The following TNKS variants were observed in gnomAD, a reference collection of about 807,000 sequenced individuals.
TNKS encodes tankyrase.
In TNKS, 72 loss-of-function variants were observed where a neutral mutation model predicts 135.8. The ratio of observed to expected loss-of-function variants is 0.53; its 90% CI spans 0.44 to 0.64. TNKS has a LOEUF of 0.64. Among genes scored for constraint, TNKS ranks in the 30% least tolerant of loss-of-function variants. The pLI is 0.00. For synonymous variants in TNKS, 849 were observed against 649.3 expected, an observed-to-expected ratio of 1.31 and a Z score of -4.68; for missense variants, 1,769 against 1,674.0, an observed-to-expected ratio of 1.06 and a Z score of -0.99.
In TNKS at chr8:9,603,092, G is replaced by T. The variant is rs190632803; in HGVS notation, c.899-12490G>T. Among the ~76,000 whole-genome samples, 19 of 150,482 alleles carry T rather than the reference G, an allele frequency of 1.3e-4. No homozygotes were observed. The East Asian group carries it at 1.6e-3, about 12-fold the overall frequency. On this transcript the variant is annotated intron_variant, in intron 2 of 26. Coordinates refer to ENST00000310430, the MANE Select transcript of TNKS (RefSeq NM_003747.3). ...TTTTGAGATGGAGTCTCGCTTTATCGCCCAGGCTGGAGTACAGTGGCGCGA... is the reference window on the plus strand; with the variant it reads ...TTTTGAGATGGAGTCTCGCTTTATCTCCCAGGCTGGAGTACAGTGGCGCGA...
chr8:9,567,455 G>T (rs34393110), intron 1 of TNKS, among the ~76,000 whole-genome samples: 2 of 151,896 alleles, frequency 1.3e-5, no homozygotes, highest in Non-Finnish European at 2.9e-5. Context: ...TCGCTCTGTC[G>T]CCCAGGCTGG....
Position 9,765,772 on chromosome 8 carries a change from T to A in TNKS, c.3528T>A (p.His1176Gln), listed in dbSNP as rs773145822. 1 of 1,613,886 alleles carries A rather than the reference T, an allele frequency of 6.2e-7. No homozygotes were observed. Among genetic ancestry groups the A allele is most frequent in the Non-Finnish European group, 8.5e-7 (1 of 1,179,860 alleles). Residue 1176 changes from histidine to glutamine, a missense_variant, in exon 24 of 27, where the codon CAT (histidine) becomes CAA (glutamine). This residue lies in a region of TNKS where 722 missense variants were observed against 688.9 expected (regional missense o/e 1.05). Coordinates refer to ENST00000310430, the MANE Select transcript of TNKS (RefSeq NM_003747.3). Reference sequence around the variant, plus strand: ...AAGTGTCTGAGGAGAATCACAACCATCACAATGAGCGCATGTTGTTTCATG... The same window carrying A: ...AAGTGTCTGAGGAGAATCACAACCAACACAATGAGCGCATGTTGTTTCATG... ...QKEVSEENHNHHNERMLFHGS... is the reference protein window; with the variant it reads ...QKEVSEENHNQHNERMLFHGS...
intron 25 of TNKS, among the ~76,000 whole-genome samples, chr8:9,767,718 G>C (rs1335267708): frequency 1.3e-5 from 2 of 152,110 alleles, no homozygotes; most frequent in South Asian, 4.1e-4. Flanking sequence ...CCAGCACTTT[G>C]GGAGGCCGAG....
At chr8:9,613,891 C>G (rs1038067031) in intron 2 of TNKS, among the ~76,000 whole-genome samples, 3 of 152,182 alleles carry the variant, frequency 2.0e-5, no homozygotes, top group Non-Finnish European at 2.9e-5. Context: ...AAAATGAAAG[C>G]TCCCATCATT....
chr8:9,571,172 G>C (rs1797743729), intron 1 of TNKS, among the ~76,000 whole-genome samples: 1 of 152,098 alleles, frequency 6.6e-6, no homozygotes, highest in Middle Eastern at 3.2e-3. Context: ...ATTTAAGGAA[G>C]CTACACCAAA....
rs1207903357 is a variant in TNKS, at chr8:9,776,774, C to T, written c.*38C>T. On this transcript the variant is annotated 3_prime_UTR_variant, in exon 27 of 27. Transcript: ENST00000310430. ...GGTGAAGGCCAGATCAGATTTCAAC[C>T]TGGGACTGGATTACAGAGGATTGTT... The T allele has an allele frequency of 6.3e-7, 1 of 1,575,112 alleles. No individual in the cohort carries two copies. Among genetic ancestry groups the T allele is most frequent in the East Asian group, 2.2e-5 (1 of 44,682 alleles).
At chr8:9,694,255 T>G (rs1305572903) in intron 5 of TNKS, among the ~76,000 whole-genome samples, 4 of 152,118 alleles carry the variant, frequency 2.6e-5, no homozygotes, top group African/African-American at 9.7e-5. Context: ...TGACAATAAC[T>G]CTCATTCATT....
intron 3 of TNKS, among the ~76,000 whole-genome samples, chr8:9,652,349 A>G (rs1290948829): frequency 1.3e-5 from 2 of 152,156 alleles, no homozygotes; most frequent in Admixed American, 1.3e-4. Context: ...TGATTTTTCT[A>G]ATTATCTTCG....
intron 3 of TNKS, among the ~76,000 whole-genome samples, chr8:9,629,904 G>A (rs923340484): frequency 1.3e-5 from 2 of 152,018 alleles, no homozygotes; most frequent in Non-Finnish European, 2.9e-5. Context: ...GGATGGTCTC[G>A]ATCTCCTGAC....
chr8:9,752,820 G>C (rs1238643164), intron 20 of TNKS, among the ~76,000 whole-genome samples, 194 bp downstream of exon 20: 1 of 151,966 alleles, frequency 6.6e-6, no homozygotes, highest in African/African-American at 2.4e-5. Flanking sequence ...AGTTAGCTGA[G>C]CATGGTGACT....
At position 9,771,702 on chromosome 8, in the gene TNKS, A is replaced by G. The variant is rs562187750; in HGVS notation, c.3897+1440A>G. On this transcript the variant is annotated intron_variant, in intron 26 of 26. Transcript: ENST00000310430. ...GGGAGAGAGAGAGAGAGAGAGAGGA[A>G]GGGAGAAAGCGAGAGAGGAAGGAAC... is the stretch of plus-strand genomic sequence containing the variant. 9.0e-3 allele frequency among the ~76,000 whole-genome samples: 1,123 copies of G among 124,714 alleles called. 8 individuals carry two copies. Among genetic ancestry groups the G allele is most frequent in the African/African-American group, 0.018 (561 of 31,302 alleles). The allele number at this position is 124,714 out of a possible 152,430, so 81.8% of individuals were successfully genotyped here.
chr8:9,747,405 A>G (rs1806296517), intron 17 of TNKS, among the ~76,000 whole-genome samples: 1 of 152,068 alleles, frequency 6.6e-6, no homozygotes, highest in African/African-American at 2.4e-5. Flanking sequence ...TCAATGGTTC[A>G]GGGTCTCATC....
chr8:9,704,364 A>G (rs1288756865), intron 5 of TNKS, among the ~76,000 whole-genome samples: 1 of 152,192 alleles, frequency 6.6e-6, no homozygotes, highest in Non-Finnish European at 1.5e-5. Context: ...TCTTCTCAGA[A>G]CAGTGAGAAT....
At chr8:9,573,238 AT>A (rs1335619755) in intron 1 of TNKS, among the ~76,000 whole-genome samples, 1 of 152,224 alleles carries the variant, frequency 6.6e-6, no homozygotes, top group Non-Finnish European at 1.5e-5. Context: ...GCAAAGAATG[AT>A]TGGTGAATCA....
chr8:9,593,062 A>C (rs1185547550), intron 2 of TNKS, among the ~76,000 whole-genome samples: 1 of 152,164 alleles, frequency 6.6e-6, no homozygotes, highest in African/African-American at 2.4e-5. Flanking sequence ...TTTTCTTGTT[A>C]ACTTACAGAT....
intron 1 of TNKS, among the ~76,000 whole-genome samples, chr8:9,570,457 C>G (rs1424633041): frequency 6.6e-6 from 1 of 152,132 alleles, no homozygotes; most frequent in African/African-American, 2.4e-5. Flanking sequence ...ACCACCAGTC[C>G]CTTGCTGGCG....
chr8:9,672,602 A>C, intron 3 of TNKS, among the ~76,000 whole-genome samples: 1 of 149,296 alleles, frequency 6.7e-6, no homozygotes, highest in African/African-American at 2.5e-5. Flanking sequence ...TCAAATAGGG[A>C]ATTTACTTTT....
At chr8:9,700,306 G>C (rs956819470) in intron 5 of TNKS, among the ~76,000 whole-genome samples, 1 of 152,078 alleles carries the variant, frequency 6.6e-6, no homozygotes, top group Non-Finnish European at 1.5e-5. Context: ...AATCAAACTT[G>C]GTGTGATTTT....
chr8:9,724,561 C>T (rs1420737999), intron 12 of TNKS, among the ~76,000 whole-genome samples: 1 of 152,232 alleles, frequency 6.6e-6, no homozygotes, highest in East Asian at 1.9e-4. Context: ...TTTTTTATAT[C>T]TCTTTTAATT....
Sources: gnomAD v4.1 joint callset for allele counts (sites outside exome capture counted in the v4.1 genomes callset) on GRCh38, gnomAD v4.1.1 for gene constraint, gnomAD v4.1.1 regional missense constraint, MANE v1.5 for transcripts, NCBI Gene and HGNC (gene_info 2026-07-23, HGNC 2026-07-21) for gene names.